The following VPS13B variants were observed in gnomAD, a reference collection of about 807,000 sequenced individuals.
VPS13B encodes vacuolar protein sorting 13 homolog B.
In VPS13B, 285 loss-of-function variants were observed where a neutral mutation model predicts 426.4. The observed-to-expected ratio is 0.67, with a 90% CI of 0.61 to 0.74. VPS13B has a LOEUF of 0.74. Among genes scored for constraint, VPS13B ranks in the 30% least tolerant of loss-of-function variants. The pLI, the probability that VPS13B is intolerant of heterozygous loss-of-function variation, is 0.00. For synonymous variants in VPS13B, 1,676 were observed against 1,676.4 expected, an observed-to-expected ratio of 1.00 and a Z score of 0.01; for missense variants, 4,537 against 4,782.6, an observed-to-expected ratio of 0.95 and a Z score of 1.51.
At chr8:99,077,190 T>TA (rs1845174682) in intron 3 of VPS13B, among the ~76,000 whole-genome samples, 1 of 151,942 alleles carries the variant, frequency 6.6e-6, no homozygotes, top group African/African-American at 2.4e-5. Context: ...TTTTTTTTTT[T>TA]AAAAGGAGTT....
chr8:99,591,418 C>T (rs973127194), intron 33 of VPS13B, among the ~76,000 whole-genome samples: 4 of 151,866 alleles, frequency 2.6e-5, no homozygotes, highest in Admixed American at 6.6e-5. Flanking sequence ...TTATTTTGCC[C>T]GTTAAATGAT....
chr8:99,809,208 C>T (rs1383957043), intron 43 of VPS13B, among the ~76,000 whole-genome samples, 167 bp from the exon 44 acceptor site: 1 of 152,152 alleles, frequency 6.6e-6, no homozygotes, highest in Admixed American at 6.5e-5. Flanking sequence ...ATTTGCTATT[C>T]TTAGCCTGGT....
chr8:99,624,007 A>ATATATATATATTT (rs1206203704), intron 33 of VPS13B, among the ~76,000 whole-genome samples: 3 of 101,122 alleles, frequency 3.0e-5, no homozygotes, highest in Admixed American at 1.1e-4. Context: ...ATATATATAT[A>ATATATATATATTT]TTTTTTTTTT....
chr8:99,306,278 G>A (rs543840203), intron 19 of VPS13B, among the ~76,000 whole-genome samples: 52 of 151,968 alleles, frequency 3.4e-4, no homozygotes, highest in Non-Finnish European at 5.3e-4. Flanking sequence ...GAGTCAATAG[G>A]TCAGGAATAT....
chr8:99,097,025 A>C (rs1440702742), intron 4 of VPS13B, among the ~76,000 whole-genome samples: 1 of 152,156 alleles, frequency 6.6e-6, no homozygotes. Flanking sequence ...CTGCTTCTTA[A>C]TATCCCCAGG....
intron 23 of VPS13B, among the ~76,000 whole-genome samples, chr8:99,465,005 G>T (rs1412517414): frequency 6.6e-6 from 1 of 151,764 alleles, no homozygotes; most frequent in Non-Finnish European, 1.5e-5. Context: ...AATTCTGCCG[G>T]CAATATTTTC....
chr8:99,676,699 C>G (rs1463097062), intron 35 of VPS13B, among the ~76,000 whole-genome samples: 1 of 151,832 alleles, frequency 6.6e-6, no homozygotes, highest in Non-Finnish European at 1.5e-5. Flanking sequence ...AAGGTATTTT[C>G]TTGTGTGAAT....
chr8:99,409,833 A>G (rs1452071775), intron 21 of VPS13B, among the ~76,000 whole-genome samples: 1 of 152,232 alleles, frequency 6.6e-6, no homozygotes, highest in Non-Finnish European at 1.5e-5. Flanking sequence ...TTAGCAAAAC[A>G]ACTCCTAGTT....
intron 19 of VPS13B, among the ~76,000 whole-genome samples, chr8:99,310,734 A>G (rs1820913747): frequency 6.6e-6 from 1 of 151,976 alleles, no homozygotes; most frequent in African/African-American, 2.4e-5. Flanking sequence ...CTCTTTTTCT[A>G]TTGATTGGAA....
intron 54 of VPS13B, among the ~76,000 whole-genome samples, chr8:99,839,879 C>A (rs1815592323): frequency 6.6e-6 from 1 of 152,226 alleles, no homozygotes; most frequent in African/African-American, 2.4e-5. Context: ...TACTCTGTAG[C>A]ATCCATTCAT....
chr8:99,130,332 A>T (rs1809712205), intron 8 of VPS13B, among the ~76,000 whole-genome samples: 1 of 151,638 alleles, frequency 6.6e-6, no homozygotes, highest in Admixed American at 6.6e-5. Flanking sequence ...ATCATGCCAA[A>T]TTAAATCTAG....
intron 29 of VPS13B, among the ~76,000 whole-genome samples, chr8:99,514,494 T>G (rs554544910): frequency 6.6e-6 from 1 of 152,310 alleles, no homozygotes; most frequent in South Asian, 2.1e-4. Context: ...TGTATGAATT[T>G]TACTACTCTA....
intron 39 of VPS13B, among the ~76,000 whole-genome samples, chr8:99,740,012 T>C (rs909208432): frequency 1.3e-5 from 2 of 152,028 alleles, no homozygotes; most frequent in African/African-American, 2.4e-5. Flanking sequence ...CTTCAGACGA[T>C]CAAACTACTC....
At chr8:99,244,885 T>C (rs1817130391) in intron 17 of VPS13B, among the ~76,000 whole-genome samples, 1 of 152,168 alleles carries the variant, frequency 6.6e-6, no homozygotes, top group Non-Finnish European at 1.5e-5. Flanking sequence ...GTTTAGATAT[T>C]TAAAATATGT....
intron 2 of VPS13B, among the ~76,000 whole-genome samples, chr8:99,018,954 T>C (rs1371807964): frequency 2.0e-5 from 3 of 152,198 alleles, no homozygotes; most frequent in African/African-American, 7.2e-5. Flanking sequence ...TACATATTGT[T>C]GGATTCAATT....
intron 23 of VPS13B, among the ~76,000 whole-genome samples, chr8:99,450,481 A>G (rs889427641): frequency 3.3e-5 from 5 of 152,176 alleles, no homozygotes; most frequent in Non-Finnish European, 2.9e-5. Flanking sequence ...TTGGGAGGCC[A>G]AGGTGGGCAG....
intron 33 of VPS13B, among the ~76,000 whole-genome samples, chr8:99,623,251 C>G (rs932444634): frequency 6.6e-6 from 1 of 152,160 alleles, no homozygotes; most frequent in African/African-American, 2.4e-5. Flanking sequence ...TTCCCAGCAG[C>G]TTGAGTCTTT....
intron 17 of VPS13B, among the ~76,000 whole-genome samples, chr8:99,202,998 G>A (rs1588137380): frequency 6.6e-6 from 1 of 150,918 alleles, no homozygotes; most frequent in African/African-American, 2.4e-5. Context: ...GCTTGGAGCC[G>A]AGATCACGCC....
At chr8:99,057,659 G>A (rs1843953272) in intron 3 of VPS13B, among the ~76,000 whole-genome samples, 1 of 152,024 alleles carries the variant, frequency 6.6e-6, no homozygotes, top group East Asian at 1.9e-4. Context: ...AGCTAAATGG[G>A]CCTTCACCTA....
Sources: allele counts gnomAD v4.1 joint callset (sites outside exome capture counted in the v4.1 genomes callset), GRCh38; gene constraint gnomAD v4.1.1; transcripts MANE v1.5; gene names NCBI Gene and HGNC (gene_info 2026-07-23, HGNC 2026-07-21).